KRABD2: variants seen among roughly 807,000 people sequenced by gnomAD.
KRABD2 encodes KRAB domain containing 2, also known as KRAB domain-containing protein 2.
At chr17:8,359,914 C>T in the KRABD2 span, 1 of 447,198 alleles carries the variant, frequency 2.2e-6, no homozygotes, top group South Asian at 1.6e-5. Context: ...ATTCAAAGAA[C>T]AGTACACTGA....
the KRABD2 span, chr17:8,376,330 G>C: frequency 1.6e-6 from 2 of 1,217,370 alleles, no homozygotes; most frequent in East Asian, 3.3e-5. Flanking sequence ...TGAGGCCTCA[G>C]TTTCCTCATC....
chr17:8,369,640 C>CA, the KRABD2 span: 92 of 1,614,208 alleles, frequency 5.7e-5, no homozygotes, highest in Admixed American at 1.5e-3. Flanking sequence ...ACGCCACTGT[C>CA]AGAGTCTAAC....
chr17:8,369,578 T>C, the KRABD2 span: 3 of 1,614,216 alleles, frequency 1.9e-6, no homozygotes, highest in Non-Finnish European at 2.5e-6. Context: ...ATACAATCTT[T>C]AGGTCTGGCC....
the KRABD2 span, among the ~76,000 whole-genome samples, chr17:8,363,819 TATATATCATAC>T: frequency 4.5e-3 from 494 of 110,454 alleles, 14 homozygotes; most frequent in African/African-American, 0.017. Context: ...ATCATACATA[TATATATCATAC>T]ATATATATAT....
chr17:8,363,841 A>ATATATATAT, the KRABD2 span, among the ~76,000 whole-genome samples: 2 of 75,322 alleles, frequency 2.7e-5, no homozygotes, highest in African/African-American at 1.2e-4. Context: ...ATATATATAT[A>ATATATATAT]TATATATATA....
the KRABD2 span, chr17:8,369,268 TATTTTCTAGC>T: frequency 6.2e-7 from 1 of 1,614,148 alleles, no homozygotes; most frequent in Non-Finnish European, 8.5e-7. Context: ...ATCCAAAGGC[TATTTTCTAGC>T]TGTTCTTCAG....
chr17:8,368,910 T>C, the KRABD2 span: 2 of 661,952 alleles, frequency 3.0e-6, no homozygotes, highest in South Asian at 2.5e-5. Context: ...GTGCTGGGAT[T>C]ACGGGCATGA....
At chr17:8,359,954 G>A in the KRABD2 span, 1 of 402,714 alleles carries the variant, frequency 2.5e-6, no homozygotes, top group Non-Finnish European at 5.0e-6. Context: ...GAGGAGGAAA[G>A]AGGCAAACAT....
At chr17:8,369,981 C>T in the KRABD2 span, 115 of 1,614,168 alleles carry the variant, frequency 7.1e-5, no homozygotes, top group Admixed American at 3.3e-4. Flanking sequence ...CTTGAGCATG[C>T]GTGTCCGCCC....
the KRABD2 span, chr17:8,359,845 T>C: frequency 1.8e-5 from 8 of 455,820 alleles, no homozygotes; most frequent in Non-Finnish European, 3.1e-5. Context: ...AAGGCAGCCA[T>C]TTCCAGCATT....
the KRABD2 span, chr17:8,370,078 C>T: frequency 6.2e-7 from 1 of 1,614,072 alleles, no homozygotes; most frequent in Non-Finnish European, 8.5e-7. Context: ...TCACGTTCTC[C>T]ATGAGTAGCC....
At chr17:8,371,981 G>A in the KRABD2 span, 3 of 986,438 alleles carry the variant, frequency 3.0e-6, no homozygotes, top group African/African-American at 3.5e-5. Context: ...GATGAGGCCA[G>A]GGGAGTTCAC....
the KRABD2 span, chr17:8,376,539 G>A: frequency 2.0e-6 from 2 of 988,864 alleles, no homozygotes; most frequent in Non-Finnish European, 2.4e-6. Flanking sequence ...TGCTCCCACC[G>A]CCTGGATCCA....
At chr17:8,359,310 C>G in the KRABD2 span, among the ~76,000 whole-genome samples, 3 of 152,144 alleles carry the variant, frequency 2.0e-5, no homozygotes, top group Non-Finnish European at 4.4e-5. Context: ...AGCGAGGATC[C>G]TGCTGATTAT....
At chr17:8,365,997 G>A in the KRABD2 span, among the ~76,000 whole-genome samples, 3 of 151,970 alleles carry the variant, frequency 2.0e-5, no homozygotes, top group South Asian at 6.2e-4. Context: ...CGTGGTTGGC[G>A]GGCGCCTGTA....
chr17:8,369,039 A>G, the KRABD2 span: 1 of 1,498,700 alleles, frequency 6.7e-7, no homozygotes, highest in Non-Finnish European at 8.8e-7. Context: ...CTGAGAGTGC[A>G]GCCTTCAATC....
chr17:8,370,451 T>G, the KRABD2 span: 1 of 1,028,582 alleles, frequency 9.7e-7, no homozygotes, highest in Admixed American at 2.7e-5. Flanking sequence ...AGACTTTCCC[T>G]CTAAAGTTCC....
chr17:8,372,890 C>T, the KRABD2 span, among the ~76,000 whole-genome samples: 1 of 151,784 alleles, frequency 6.6e-6, no homozygotes, highest in Non-Finnish European at 1.5e-5. The surrounding 1 kb of genome is among the most constrained non-coding windows in gnomAD (Gnocchi z 4.1). Flanking sequence ...ATAGTGAGAC[C>T]CTGTCTCTAA....
At chr17:8,369,260 C>T in the KRABD2 span, 6 of 1,614,216 alleles carry the variant, frequency 3.7e-6, no homozygotes, top group South Asian at 6.6e-5. Flanking sequence ...CCTGCCTGAT[C>T]CAAAGGCTAT....
Sources: allele counts gnomAD v4.1 joint callset (sites outside exome capture counted in the v4.1 genomes callset), GRCh38; gene constraint gnomAD v4.1.1; non-coding constraint Gnocchi (gnomAD v3.1); transcripts MANE v1.5; gene names NCBI Gene and HGNC (gene_info 2026-07-23, HGNC 2026-07-21).